IL17RA: variants seen among roughly 807,000 people sequenced by gnomAD.
The protein encoded by IL17RA is interleukin-17 receptor A.
Under a neutral mutation model 50.4 loss-of-function variants are expected in IL17RA, and 34 were observed. The observed-to-expected ratio is 0.67, with a 90% CI of 0.51 to 0.90. IL17RA has a LOEUF of 0.90. Among genes scored for constraint, IL17RA ranks in the 40% least tolerant of loss-of-function variants. The pLI is 0.00. For synonymous variants in IL17RA, 585 were observed against 510.4 expected (o/e 1.15, Z -1.97); for missense variants, 1,276 against 1,169.8 (o/e 1.09, Z -1.32).
At position 17,085,212 on chromosome 22, in the gene IL17RA, C is replaced by G. The variant is rs1295037189; in HGVS notation, c.121C>G (p.Leu41Val). The stretch of plus-strand genomic sequence containing the variant: ...CCTGCGACTCCTGGACCACCGGGCG[C>G]TGGTCTGCTCCCAGCCGGTGAGACT... The part of the protein sequence containing the change: ...ASLRLLDHRA[L>V]VCSQPGLNCT... The change falls in exon 1 of 13, where the codon CTG becomes GTG. Residue 41 changes from leucine (L) to valine (V), a missense_variant. Coordinates refer to ENST00000319363, the MANE Select transcript of IL17RA (RefSeq NM_014339.7). The G allele has an allele frequency of 9.1e-6, 14 of 1,535,172 alleles. No individual in the cohort carries two copies. The highest frequency in any genetic ancestry group is 2.0e-5 in the Admixed American group (1 of 50,656).
Position 17,112,932 on chromosome 22 carries a change from G to T in IL17RA, c.*3112G>T, listed in dbSNP as rs2061449535. ...CGATTATGCACGCAGCCACCAACAA[G>T]CTCCCAACTCCCGCGTAGAGTTTCA... is the stretch of plus-strand genomic sequence containing the variant. On this transcript the variant is annotated 3_prime_UTR_variant, in exon 13 of 13. Coordinates refer to ENST00000319363, the MANE Select transcript of IL17RA (RefSeq NM_014339.7). 1.3e-5 allele frequency: 2 copies of T among 151,236 alleles called. No individual in the cohort carries two copies. The highest frequency in any genetic ancestry group is 2.9e-5 in the Non-Finnish European group (2 of 67,972). The allele number at this position is 151,236 out of a possible 1,614,324, so 9.4% of individuals were successfully genotyped here.
Position 17,088,985 on chromosome 22 carries a change from G to A in IL17RA, c.138+3756G>A, listed in dbSNP as rs536221447. Among the ~76,000 whole-genome samples the A allele has an allele frequency of 1.5e-4, 23 of 151,808 alleles. No individual in the cohort carries two copies. The South Asian group carries it at 3.7e-3, about 25-fold the overall frequency. ...TAATTTTTGTATTTTTAGTAGAGTC[G>A]GGGTTTCACCATGTTGGCCAGGCTG... On this transcript the variant is annotated intron_variant, in intron 1 of 12. Transcript: ENST00000319363.
intron 12 of IL17RA, 66 bp from the exon 13 acceptor site, chr22:17,108,241 C>A: frequency 6.5e-7 from 1 of 1,534,912 alleles, no homozygotes; most frequent in Non-Finnish European, 9.0e-7. Context: ...CCCTCCTGGG[C>A]TGGCAGGCAC....
At chr22:17,087,935 T>G (rs1309107008) in intron 1 of IL17RA, among the ~76,000 whole-genome samples, 1 of 152,200 alleles carries the variant, frequency 6.6e-6, no homozygotes, top group Non-Finnish European at 1.5e-5. Flanking sequence ...GCTGCTCAGT[T>G]TAACCCCTTT....
chr22:17,108,673 T>C lies in IL17RA; in HGVS notation c.1454T>C (p.Met485Thr), dbSNP rs749312533. ...VGDLFTAAMN[M>T]ILPDFKRPAC... ...GACCTGTTCACTGCAGCCATGAACA[T>C]GATCCTCCCGGACTTCAAGAGGCCA... Residue 485 changes from methionine (M) to threonine (T), a missense_variant, in exon 13 of 13, where the codon ATG becomes ACG. Coordinates refer to ENST00000319363, the MANE Select transcript of IL17RA (RefSeq NM_014339.7). 6.2e-7 allele frequency: 1 copy of C among 1,608,370 alleles called. No homozygotes were observed. The highest frequency in any genetic ancestry group is 8.5e-7 in the Non-Finnish European group (1 of 1,179,830).
rs770971320 is a variant in IL17RA, at chr22:17,108,380, C to A, written c.1161C>A (p.Asp387Glu). Residue 387 changes from aspartate (D) to glutamate (E), a missense_variant, in exon 13 of 13, where the codon GAC becomes GAA. By Grantham distance (45) the Asp-to-Glu change is conservative. Coordinates refer to ENST00000319363, the MANE Select transcript of IL17RA (RefSeq NM_014339.7). ...AGGTCTGGATCATCTACTCAGCCGA[C>A]CACCCCCTCTACGTGGACGTGGTCC... The part of the protein sequence containing the change: ...PRKVWIIYSA[D>E]HPLYVDVVLK... 4 of 1,614,070 alleles carry A rather than the reference C, an allele frequency of 2.5e-6. No individual in the cohort carries two copies. The highest frequency in any genetic ancestry group is 3.4e-6 in the Non-Finnish European group (4 of 1,179,946).
chr22:17,088,332 A>G (rs1049059764), intron 1 of IL17RA, among the ~76,000 whole-genome samples: 1 of 151,910 alleles, frequency 6.6e-6, no homozygotes, highest in African/African-American at 2.4e-5. Context: ...TTATTTATTT[A>G]TATTTTGAGA....
chr22:17,090,144 T>A (rs1025898624), intron 1 of IL17RA, among the ~76,000 whole-genome samples: 1 of 152,192 alleles, frequency 6.6e-6, no homozygotes, highest in African/African-American at 2.4e-5. Context: ...TGTCTCAGCC[T>A]CCCGAGTAGC....
intron 2 of IL17RA, 154 bp from the exon 3 acceptor site, chr22:17,097,643 G>A: frequency 1.3e-6 from 1 of 762,512 alleles, no homozygotes; most frequent in African/African-American, 1.7e-5. Flanking sequence ...AGAAGAGGGA[G>A]CAGGGCAGTA....
Position 17,109,153 on chromosome 22 carries a change from C to T in IL17RA, c.1934C>T (p.Ala645Val), listed in dbSNP as rs755655195. 16 of 1,533,732 alleles carry T rather than the reference C, an allele frequency of 1.0e-5. No homozygotes were observed. The African/African-American group carries it at 2.1e-4, about 20-fold the overall frequency. The change falls in exon 13 of 13, where the codon GCA becomes GTA. Residue 645 changes from alanine to valine, a missense_variant. By Grantham distance (64) the Ala-to-Val change is moderately conservative (BLOSUM62 0). Coordinates refer to ENST00000319363, the MANE Select transcript of IL17RA (RefSeq NM_014339.7). Reference sequence around the variant, plus strand: ...CCGCTGGTCGGGGAGGAAGGAGGAGCAGCAGTGGCAAAGCTGGAACCTCAC... The same window carrying T: ...CCGCTGGTCGGGGAGGAAGGAGGAGTAGCAGTGGCAAAGCTGGAACCTCAC... ...IDPLVGEEGG[A>V]AVAKLEPHLQ...
At chr22:17,086,914 G>T (rs1160521360) in intron 1 of IL17RA, among the ~76,000 whole-genome samples, 1 of 152,240 alleles carries the variant, frequency 6.6e-6, no homozygotes, top group Non-Finnish European at 1.5e-5. Context: ...GGACTCTGCT[G>T]TGCGTGGCGT....
intron 3 of IL17RA, 90 bp downstream of exon 3, chr22:17,098,033 G>GT: frequency 6.6e-7 from 1 of 1,505,992 alleles, no homozygotes; most frequent in Non-Finnish European, 9.2e-7. Context: ...TCCCAGTCCT[G>GT]TGCTCAGACA....
intron 1 of IL17RA, chr22:17,085,434 T>G: frequency 6.8e-6 from 3 of 444,414 alleles, no homozygotes; most frequent in Non-Finnish European, 5.9e-6. Context: ...CGGTGTGGAA[T>G]ACGGGGGGGG....
intron 8 of IL17RA, 74 bp from the exon 9 acceptor site, chr22:17,104,652 C>A: frequency 7.4e-7 from 1 of 1,351,140 alleles, no homozygotes; most frequent in Non-Finnish European, 1.1e-6. Context: ...CCTCCTCTCA[C>A]ATTGCCGCTG....
At chr22:17,104,640 C>T in intron 8 of IL17RA, 86 bp from the exon 9 acceptor site, 1 of 1,202,836 alleles carries the variant, frequency 8.3e-7, no homozygotes, top group Non-Finnish European at 1.2e-6. Flanking sequence ...CAGCCAGGAT[C>T]CCCTCCTCTC....
intron 1 of IL17RA, among the ~76,000 whole-genome samples, chr22:17,092,723 T>TTTTCTTTC (rs56385877): frequency 6.6e-6 from 1 of 151,472 alleles, no homozygotes; most frequent in Admixed American, 6.6e-5. Flanking sequence ...TTCCAGAATA[T>TTTTCTTTC]TTTCTTTCTT....
chr22:17,105,720 T>TGG (rs371093629), intron 10 of IL17RA, 118 bp downstream of exon 10: 2 of 688,832 alleles, frequency 2.9e-6, no homozygotes, highest in South Asian at 2.5e-5. Flanking sequence ...CAGCCCGGGG[T>TGG]GGGGGGTGAG....
Position 17,109,495 on chromosome 22 carries a change from G to A in IL17RA, c.2276G>A (p.Ser759Asn). 2 of 1,607,646 alleles carry A rather than the reference G, an allele frequency of 1.2e-6. No individual in the cohort carries two copies. Among genetic ancestry groups the A allele is most frequent in the South Asian group, 1.1e-5 (1 of 90,150 alleles). ...TTGATGCTCTCGCTCTTCGAGCAGA[G>A]TCTGAGCTGCCAGGCCCAGGGGGGC... ...EGLMLSLFEQ[S>N]LSCQAQGGCS... Residue 759 changes from serine to asparagine, a missense_variant, in exon 13 of 13, where the codon AGT becomes AAT. Coordinates refer to ENST00000319363, the MANE Select transcript of IL17RA (RefSeq NM_014339.7).
At chr22:17,096,770 C>A (rs796865772) in intron 1 of IL17RA, among the ~76,000 whole-genome samples, 23 of 151,274 alleles carry the variant, frequency 1.5e-4, no homozygotes, top group African/African-American at 5.1e-4. Flanking sequence ...CCTGGGAGGC[C>A]GAGGCAGGAG....
Sources: gnomAD v4.1 joint callset for allele counts (sites outside exome capture counted in the v4.1 genomes callset) on GRCh38, gnomAD v4.1.1 for gene constraint, MANE v1.5 for transcripts, NCBI Gene and HGNC (gene_info 2026-07-23, HGNC 2026-07-21) for gene names.